BZW2: variants seen among roughly 807,000 people sequenced by gnomAD.
BZW2 encodes the protein eIF5-mimic protein 1.
A neutral mutation model predicts 53.2 loss-of-function variants in BZW2; 23 were observed. The observed-to-expected ratio is 0.43, with a 90% CI of 0.31 to 0.61. The LOEUF (loss-of-function observed/expected upper bound fraction) is 0.61. Among genes scored for constraint, BZW2 ranks in the 20% least tolerant of loss-of-function variants. BZW2 has a pLI of 0.09. For synonymous variants in BZW2, 227 were observed against 186.4 expected, an observed-to-expected ratio of 1.22 and a Z score of -1.77; for missense variants, 409 against 503.1, an observed-to-expected ratio of 0.81 and a Z score of 1.79.
Position 16,646,202 on chromosome 7 carries a change from ACTG to A in BZW2, c.-74_-72del, listed in dbSNP as rs560205352. 8.1e-3 allele frequency: 2,633 copies of A among 327,054 alleles called. No homozygotes were observed. The highest frequency in any genetic ancestry group is 0.013 in the South Asian group (589 of 43,998). 20.3% of individuals were successfully genotyped at this position (327,054 alleles called of 1,614,324 possible). On this transcript the variant is annotated 5_prime_UTR_variant, in exon 1 of 12. Transcript: ENST00000258761. ...CTTCACTCCTCCATTGTCTGCCGCCACTGCTGCTGCTGCTGCTGCTGCCGCTGC... is the reference window on the plus strand; with the variant it reads ...CTTCACTCCTCCATTGTCTGCCGCCACTGCTGCTGCTGCTGCTGCCGCTGC...
chr7:16,654,885 G>T (rs535562194), intron 1 of BZW2, among the ~76,000 whole-genome samples: 1 of 152,072 alleles, frequency 6.6e-6, no homozygotes, highest in Non-Finnish European at 1.5e-5. Context: ...ATTACTGAAA[G>T]TTAGACTGAT....
chr7:16,682,617 G>A (rs1335502965), intron 4 of BZW2, among the ~76,000 whole-genome samples, 163 bp from the exon 5 acceptor site: 1 of 152,100 alleles, frequency 6.6e-6, no homozygotes, highest in Non-Finnish European at 1.5e-5. Flanking sequence ...CCTAGGTCAT[G>A]ATAGCATCTT....
chr7:16,659,198 C>T (rs1277835228), intron 1 of BZW2, among the ~76,000 whole-genome samples: 2 of 151,938 alleles, frequency 1.3e-5, no homozygotes, highest in African/African-American at 2.4e-5. Flanking sequence ...AACTATCTAC[C>T]TTATAAAGAG....
At position 16,646,195 on chromosome 7, in the gene BZW2, T is replaced by G. The variant is rs940069969; in HGVS notation, c.-101T>G. 5.9e-6 allele frequency: 2 copies of G among 337,960 alleles called. No homozygotes were observed. The highest frequency in any genetic ancestry group is 4.4e-5 in the African/African-American group (2 of 45,042). 20.9% of individuals were successfully genotyped at this position (337,960 alleles called of 1,614,324 possible). ...GTCTGTCCTTCACTCCTCCATTGTC[T>G]GCCGCCACTGCTGCTGCTGCTGCTG... On this transcript the variant is annotated 5_prime_UTR_variant, in exon 1 of 12. Transcript: ENST00000258761.
chr7:16,695,989 C>T (rs1165491769), intron 8 of BZW2: 1 of 152,224 alleles, frequency 6.6e-6, no homozygotes, highest in East Asian at 1.9e-4. Context: ...CAGGATGTCA[C>T]ACTTTTATGT....
chr7:16,685,834 T>C (rs1783098482), intron 5 of BZW2, 71 bp from the exon 6 acceptor site: 2 of 1,460,938 alleles, frequency 1.4e-6, no homozygotes, highest in Admixed American at 2.7e-5. Flanking sequence ...CTTCAGTCCT[T>C]TGCTTCATAG....
intron 10 of BZW2, among the ~76,000 whole-genome samples, chr7:16,701,810 C>T (rs1051887180): frequency 2.0e-5 from 3 of 152,158 alleles, no homozygotes; most frequent in East Asian, 1.9e-4. Context: ...TAGTCCCTGA[C>T]TTCCTGAATT....
At chr7:16,698,351 G>C (rs1783568691) in intron 10 of BZW2, 165 bp downstream of exon 10, 1 of 931,616 alleles carries the variant, frequency 1.1e-6, no homozygotes, top group African/African-American at 1.6e-5. Flanking sequence ...TGTAGAGAGA[G>C]GAGGCATACA....
intron 1 of BZW2, among the ~76,000 whole-genome samples, chr7:16,657,903 G>A (rs967765786): frequency 3.9e-5 from 6 of 152,164 alleles, no homozygotes; most frequent in South Asian, 2.1e-4. Flanking sequence ...GGGTCTTAAC[G>A]TATCGAGAGC....
At chr7:16,683,955 G>A (rs1482304130) in intron 5 of BZW2, among the ~76,000 whole-genome samples, 2 of 152,026 alleles carry the variant, frequency 1.3e-5, no homozygotes, top group African/African-American at 2.4e-5. Flanking sequence ...TAAAAGAAAT[G>A]TTTCTTACAT....
At chr7:16,692,160 G>T (rs899750309) in intron 7 of BZW2, among the ~76,000 whole-genome samples, 3 of 152,126 alleles carry the variant, frequency 2.0e-5, no homozygotes. Context: ...CTAGACTTTA[G>T]CTATCACCCA....
intron 11 of BZW2, among the ~76,000 whole-genome samples, chr7:16,705,476 G>A (rs1007000795): frequency 6.6e-6 from 1 of 152,032 alleles, no homozygotes; most frequent in Non-Finnish European, 1.5e-5. Context: ...ATGAGGTCGG[G>A]AGATCGAGAC....
chr7:16,698,012 G>C (rs746681432), intron 9 of BZW2, 36 bp from the exon 10 acceptor site: 3 of 1,612,186 alleles, frequency 1.9e-6, no homozygotes, highest in African/African-American at 2.7e-5. Context: ...TACCTCCCAC[G>C]CAAGTGACGG....
chr7:16,665,616 C>G, intron 2 of BZW2, 115 bp downstream of exon 2: 2 of 1,501,792 alleles, frequency 1.3e-6, no homozygotes, highest in East Asian at 4.9e-5. Flanking sequence ...CTCATTTGAG[C>G]TCTGAGTGTA....
chr7:16,698,244 C>T, intron 10 of BZW2, 58 bp downstream of exon 10: 1 of 1,600,768 alleles, frequency 6.2e-7, no homozygotes. Context: ...CTTTGAGAGG[C>T]AGAGCAGGCA....
At chr7:16,681,229 A>ATT in intron 3 of BZW2, 72 bp from the exon 4 acceptor site, 2 of 1,183,372 alleles carry the variant, frequency 1.7e-6, no homozygotes, top group South Asian at 2.7e-5. Context: ...CATTTGCCAG[A>ATT]ATTGATGTGT....
chr7:16,695,030 C>G, intron 8 of BZW2, 26 bp downstream of exon 8: 1 of 1,523,184 alleles, frequency 6.6e-7, no homozygotes, highest in Non-Finnish European at 8.9e-7. Context: ...CAGACATCAC[C>G]TCAATACACA....
chr7:16,674,344 G>C, intron 2 of BZW2, 68 bp from the exon 3 acceptor site: 1 of 1,229,308 alleles, frequency 8.1e-7, no homozygotes, highest in Non-Finnish European at 1.1e-6. Context: ...TAGAATTAAA[G>C]TTTTGATTGT....
At chr7:16,688,199 A>C (rs1243172437) in intron 6 of BZW2, among the ~76,000 whole-genome samples, 1 of 152,166 alleles carries the variant, frequency 6.6e-6, no homozygotes, top group Non-Finnish European at 1.5e-5. Context: ...AATAAATAGA[A>C]AATTAGGACA....
Sources: gnomAD v4.1 joint callset for allele counts (sites outside exome capture counted in the v4.1 genomes callset) on GRCh38, gnomAD v4.1.1 for gene constraint, MANE v1.5 for transcripts, NCBI Gene and HGNC (gene_info 2026-07-23, HGNC 2026-07-21) for gene names.